Variants in QSOX2 observed in about 807,000 individuals in gnomAD.
QSOX2 encodes quiescin sulfhydryl oxidase 2.
Under a neutral mutation model 61.7 loss-of-function variants are expected in QSOX2, and 46 were observed. That is an observed-to-expected ratio of 0.75 (90% confidence interval 0.59 to 0.95). The LOEUF is 0.95. Among genes scored for constraint, QSOX2 ranks in the 40% least tolerant of loss-of-function variants. The pLI, the probability that QSOX2 is intolerant of heterozygous loss-of-function variation, is 0.00. For missense variants in QSOX2, 879 were observed against 918.9 expected (o/e 0.96, Z 0.56); for synonymous variants, 383 against 388.4 (o/e 0.99, Z 0.16).
chr9:136,211,550 G>T, intron 10 of QSOX2, 98 bp from the exon 11 acceptor site: 1 of 1,252,714 alleles, frequency 8.0e-7, no homozygotes, highest in Non-Finnish European at 1.1e-6. Flanking sequence ...CTCCTGACAT[G>T]TCGGGAAGCC....
At position 136,241,142 on chromosome 9, in the gene QSOX2, A is replaced by G. The variant is rs540711703; in HGVS notation, c.328+4334T>C. On this transcript the variant is annotated intron_variant, in intron 1 of 11. Transcript: ENST00000358701. ...GCGGGGAGCCCGGCTGCTCCGATGC[A>G]CCATCCTTTCTGTAAAATACTCATG... Among the ~76,000 whole-genome samples, 3 of 152,272 alleles carry G rather than the reference A, an allele frequency of 2.0e-5. No homozygotes were observed. The East Asian group carries it at 5.8e-4, about 29-fold the overall frequency.
chr9:136,240,514 G>A (rs532313518), intron 1 of QSOX2, among the ~76,000 whole-genome samples: 23 of 152,314 alleles, frequency 1.5e-4, no homozygotes, highest in African/African-American at 5.5e-4. Context: ...CCATGCTGGG[G>A]TCTCGAACTC....
rs1385560381 is a variant in QSOX2, at chr9:136,208,380, C to CGAGAT, written c.*343_*347dup. 4.6e-4 allele frequency: 83 copies of CGAGAT among 179,682 alleles called. No homozygotes were observed. The highest frequency in any genetic ancestry group is 1.7e-3 in the African/African-American group (72 of 42,222). 11.1% of individuals were successfully genotyped at this position (179,682 alleles called of 1,614,324 possible). A position where few individuals can be genotyped will look rare whatever the true frequency, so the allele number is the denominator to read the frequency against. Reference sequence around the variant, plus strand: ...GCAGGATGGGGCGGAGTGGAGGAAACGAGATGAAAGTGTGTGGGGAAGACT... The same window carrying CGAGAT: ...GCAGGATGGGGCGGAGTGGAGGAAACGAGATGAGATGAAAGTGTGTGGGGAAGACT... On this transcript the variant is annotated 3_prime_UTR_variant, in exon 12 of 12. Transcript: ENST00000358701.
chr9:136,213,122 CG>C (rs1393173423), intron 10 of QSOX2, among the ~76,000 whole-genome samples: 2 of 152,120 alleles, frequency 1.3e-5, no homozygotes, highest in African/African-American at 4.8e-5. Context: ...TGCGTGTGCC[CG>C]TGTGATCAGA....
Position 136,223,864 on chromosome 9 carries a change from G to A in QSOX2, c.585-11C>T. On this transcript the variant is annotated splice_polypyrimidine_tract_variant and intron_variant, in intron 4 of 11. Coordinates refer to ENST00000358701, the MANE Select transcript of QSOX2 (RefSeq NM_181701.4). This position sits in a 1 kb window ranked among gnomAD's most constrained non-coding sequence, Gnocchi z 4.4. ...AGAACATCACTGGGCCTTTCAAGAG[G>A]AAAAAAAGAGGCTTTTAGTGCCGTC... The A allele has an allele frequency of 1.2e-6, 2 of 1,611,900 alleles. No individual in the cohort carries two copies. Among genetic ancestry groups the A allele is most frequent in the South Asian group, 1.1e-5 (1 of 90,762 alleles).
At chr9:136,215,593 T>G (rs1564290299) in intron 9 of QSOX2, among the ~76,000 whole-genome samples, 1 of 152,240 alleles carries the variant, frequency 6.6e-6, no homozygotes, top group Non-Finnish European at 1.5e-5. Context: ...GCATAAAATG[T>G]ATCCACCTTT....
intron 1 of QSOX2, among the ~76,000 whole-genome samples, chr9:136,237,370 C>T (rs1463992834): frequency 7.2e-6 from 1 of 138,378 alleles, no homozygotes; most frequent in Non-Finnish European, 1.6e-5. Flanking sequence ...TGTGCCACAC[C>T]TGGAGCCCAT....
intron 1 of QSOX2, among the ~76,000 whole-genome samples, chr9:136,235,374 G>C (rs373858237): frequency 1.3e-5 from 2 of 152,330 alleles, no homozygotes; most frequent in South Asian, 2.1e-4. Context: ...GGGCCCTTAC[G>C]GGGAGTGACG....
chr9:136,235,675 G>T (rs745624396), intron 1 of QSOX2, among the ~76,000 whole-genome samples: 15 of 152,180 alleles, frequency 9.9e-5, no homozygotes, highest in Non-Finnish European at 1.9e-4. Context: ...ATAGAGCGCT[G>T]GCATCAGCCA....
chr9:136,236,474 G>A (rs1830382420), intron 1 of QSOX2, among the ~76,000 whole-genome samples: 2 of 152,216 alleles, frequency 1.3e-5, no homozygotes, highest in South Asian at 4.1e-4. Context: ...TCCAGTTTTG[G>A]CCAATCTGAG....
intron 11 of QSOX2, 143 bp downstream of exon 11, chr9:136,211,121 G>A (rs1831838668): frequency 1.1e-6 from 1 of 948,454 alleles, no homozygotes. Flanking sequence ...AGCCACCCAA[G>A]TCCTGATCCC....
chr9:136,211,278 T>A lies in QSOX2; in HGVS notation c.1535A>T (p.Asn512Ile), dbSNP rs746016934. 1.2e-6 allele frequency: 2 copies of A among 1,614,046 alleles called. No individual in the cohort carries two copies. The highest frequency in any genetic ancestry group is 2.2e-5 in the South Asian group (2 of 91,086). The change falls in exon 11 of 12, where the codon AAC (asparagine) becomes ATC (isoleucine). Residue 512 changes from asparagine (N) to isoleucine (I), a missense_variant. By Grantham distance (149) the Asn-to-Ile change is moderately radical. Transcript: ENST00000358701. Reference sequence around the variant, plus strand: ...GGGCTTCTCACCTGCCAGGCGGCCGTTCACCATATTATGCTTCTTCCACAG... The same window carrying A: ...GGGCTTCTCACCTGCCAGGCGGCCGATCACCATATTATGCTTCTTCCACAG... ...LWLWKKHNMVNGRLAGHLSED... is the reference protein window; with the variant it reads ...LWLWKKHNMVIGRLAGHLSED...
intron 3 of QSOX2, 22 bp from the exon 4 acceptor site, chr9:136,224,134 C>G: frequency 6.3e-7 from 1 of 1,596,662 alleles, no homozygotes; most frequent in South Asian, 1.1e-5. Context: ...ACACCAGGGT[C>G]AGAGCTGTGT....
At chr9:136,210,072 C>A in intron 11 of QSOX2, 3 of 985,456 alleles carry the variant, frequency 3.0e-6, no homozygotes, top group South Asian at 4.7e-5. Flanking sequence ...ATGCCCTACT[C>A]GGGCCAGTCA....
rs1478524368 is a variant in QSOX2, at chr9:136,207,701, G to A, written c.*1027C>T. 6.6e-6 allele frequency: 1 copy of A among 152,466 alleles called. No individual in the cohort carries two copies. The highest frequency in any genetic ancestry group is 1.5e-5 in the Non-Finnish European group (1 of 68,140). 9.4% of individuals were successfully genotyped at this position (152,466 alleles called of 1,614,324 possible). Reference sequence around the variant, plus strand: ...CCTCCGTGGGCCGAGTGAGATGCTTGTGTGTGCAGCAGGTGCCTCTGTGGT... The same window carrying A: ...CCTCCGTGGGCCGAGTGAGATGCTTATGTGTGCAGCAGGTGCCTCTGTGGT... On this transcript the variant is annotated 3_prime_UTR_variant, in exon 12 of 12. Transcript: ENST00000358701.
chr9:136,242,975 C>A (rs1447575813), intron 1 of QSOX2, among the ~76,000 whole-genome samples: 2 of 152,232 alleles, frequency 1.3e-5, no homozygotes, highest in East Asian at 3.8e-4. Context: ...GAAAGAAATT[C>A]CAGGCCCTGA....
Position 136,209,240 on chromosome 9 carries a change from G to A in QSOX2, c.1585C>T (p.Gln529Ter). The change falls in exon 12 of 12, where the codon CAG becomes TAG. Residue 529 changes from glutamine (Q) to a stop codon, truncating the protein, a stop_gained. Transcript: ENST00000358701. LOFTEE classifies it low-confidence loss of function (END_TRUNC). This position sits in a 1 kb window ranked among gnomAD's most constrained non-coding sequence, Gnocchi z 5.6. ...GGGCAGAGGTCCGGAGTGGGCCACT[G>A]AAGCTTTGGAAACCGGGGATCCTCA... ...LSEDPRFPKL[Q>*]WPTPDLCPAC... The A allele has an allele frequency of 6.2e-7, 1 of 1,613,502 alleles. No homozygotes were observed. The highest frequency in any genetic ancestry group is 1.1e-5 in the South Asian group (1 of 91,072).
rs534555472 is a variant in QSOX2 at position 136,209,540 on chromosome 9, G to A, written c.1550-265C>T. The A allele has an allele frequency of 1.1e-5, 11 of 985,332 alleles. No homozygotes were observed. Among genetic ancestry groups the A allele is most frequent in the East Asian group, 1.1e-4 (1 of 8,754 alleles). 61.0% of individuals were successfully genotyped at this position (985,332 alleles called of 1,614,324 possible). On this transcript the variant is annotated intron_variant, in intron 11 of 11. Coordinates refer to ENST00000358701, the MANE Select transcript of QSOX2 (RefSeq NM_181701.4). This position sits in a 1 kb window ranked among gnomAD's most constrained non-coding sequence, Gnocchi z 5.6. ...GCAAGTGAGGAGACGCTACACGCTC[G>A]GCCTCCGCCACTTCCCAGACCACAC...
chr9:136,208,640 C>G lies in QSOX2; in HGVS notation c.*88G>C, dbSNP rs2131046423. On this transcript the variant is annotated 3_prime_UTR_variant, in exon 12 of 12. Transcript: ENST00000358701. The stretch of plus-strand genomic sequence containing the variant: ...AACCAGGCCCGCATGTTTATAAAAT[C>G]CCTGATCATAAATATTAAAGCTGCA... The G allele has an allele frequency of 6.9e-7, 1 of 1,447,628 alleles. No individual in the cohort carries two copies. The highest frequency in any genetic ancestry group is 2.4e-5 in the East Asian group (1 of 42,324). 89.7% of individuals were successfully genotyped at this position (1,447,628 alleles called of 1,614,324 possible).
Sources: allele counts gnomAD v4.1 joint callset (sites outside exome capture counted in the v4.1 genomes callset), GRCh38; gene constraint gnomAD v4.1.1; non-coding constraint Gnocchi (gnomAD v3.1); transcripts MANE v1.5; gene names NCBI Gene and HGNC (gene_info 2026-07-23, HGNC 2026-07-21).